PLPPR5: variants seen among roughly 807,000 people sequenced by gnomAD.
The protein encoded by PLPPR5 is phospholipid phosphatase-related protein type 5.
PLPPR5 carries 16 observed loss-of-function variants against 33.9 expected under a neutral mutation model. The observed-to-expected ratio is 0.47, with a 90% CI of 0.32 to 0.72. The LOEUF (loss-of-function observed/expected upper bound fraction) is 0.72. PLPPR5 is among the 30% of genes least tolerant of loss of function. The pLI is 0.03. For missense variants in PLPPR5, 301 were observed against 406.7 expected, an observed-to-expected ratio of 0.74 and a Z score of 2.23; for synonymous variants, 163 against 150.3, an observed-to-expected ratio of 1.08 and a Z score of -0.62.
intron 5 of PLPPR5, among the ~76,000 whole-genome samples, chr1:98,907,878 C>T (rs1226129479): frequency 2.0e-5 from 3 of 152,158 alleles, no homozygotes; most frequent in African/African-American, 7.2e-5. Flanking sequence ...AACTTCTATT[C>T]CAGGAGTATG....
chr1:98,929,940 A>AAAAT (rs916369857), intron 3 of PLPPR5, among the ~76,000 whole-genome samples: 2 of 152,228 alleles, frequency 1.3e-5, no homozygotes, highest in African/African-American at 4.8e-5. Context: ...GATACGAGCA[A>AAAAT]AAATAAATAA....
chr1:98,977,454 C>T (rs1384470244), intron 1 of PLPPR5, among the ~76,000 whole-genome samples: 3 of 150,890 alleles, frequency 2.0e-5, no homozygotes, highest in Admixed American at 6.7e-5. Context: ...GCAATGTTCT[C>T]ATTGGTTCTA....
At chr1:98,967,720 C>A (rs549488840) in intron 1 of PLPPR5, among the ~76,000 whole-genome samples, 1 of 152,116 alleles carries the variant, frequency 6.6e-6, no homozygotes, top group East Asian at 1.9e-4. Flanking sequence ...ATTGTTATAA[C>A]ATTCATAGAA....
intron 5 of PLPPR5, among the ~76,000 whole-genome samples, chr1:98,907,659 A>G (rs1472497612): frequency 2.0e-5 from 3 of 152,242 alleles, no homozygotes; most frequent in Non-Finnish European, 4.4e-5. Context: ...GAAAAGATTC[A>G]TCAGTTATCT....
chr1:98,905,910 A>G (rs950284002), intron 5 of PLPPR5, among the ~76,000 whole-genome samples: 1 of 152,104 alleles, frequency 6.6e-6, no homozygotes, highest in Admixed American at 6.6e-5. Flanking sequence ...TTATGTCACA[A>G]ACTAATTCCT....
At chr1:98,951,121 G>C (rs1306914881) in intron 3 of PLPPR5, among the ~76,000 whole-genome samples, 1 of 152,166 alleles carries the variant, frequency 6.6e-6, no homozygotes, top group African/African-American at 2.4e-5. Context: ...AGATATATTT[G>C]CAATTCATAC....
At chr1:98,964,880 T>C (rs1402884674) in intron 1 of PLPPR5, among the ~76,000 whole-genome samples, 1 of 152,050 alleles carries the variant, frequency 6.6e-6, no homozygotes, top group East Asian at 1.9e-4. Flanking sequence ...CACAGCTCAC[T>C]GCAGCCTCGA....
rs780629233 is a variant in PLPPR5 at position 98,952,262 on chromosome 1, CAGAAA to C, written c.621+803_621+807del. On this transcript the variant is annotated intron_variant, in intron 3 of 5. Coordinates refer to ENST00000263177, the MANE Select transcript of PLPPR5 (RefSeq NM_001037317.2). Reference sequence around the variant, plus strand: ...TGGGTGACAGAGCGAGACTCCGTCTCAGAAAAAAAAAAAAAAAAAAAAATCTCTGA... The same window carrying C: ...TGGGTGACAGAGCGAGACTCCGTCTCAAAAAAAAAAAAAAAAAATCTCTGA... Among the ~76,000 whole-genome samples, 531 of 113,038 alleles carry C rather than the reference CAGAAA, an allele frequency of 4.7e-3. 5 individuals are homozygous for C. Among genetic ancestry groups the C allele is most frequent in the African/African-American group, 7.8e-3 (250 of 31,888 alleles). The allele number at this position is 113,038 out of a possible 152,430, so 74.2% of individuals were successfully genotyped here. A position where few individuals can be genotyped will look rare whatever the true frequency, so the allele number is the denominator to read the frequency against.
At chr1:98,920,509 G>A (rs551477859) in intron 4 of PLPPR5, among the ~76,000 whole-genome samples, 10 of 132,838 alleles carry the variant, frequency 7.5e-5, no homozygotes, top group African/African-American at 1.7e-4. Flanking sequence ...CAGTTCTCAC[G>A]AGGCTACAGG....
At chr1:98,912,959 A>G (rs1357565818) in intron 5 of PLPPR5, among the ~76,000 whole-genome samples, 2 of 152,072 alleles carry the variant, frequency 1.3e-5, no homozygotes, top group African/African-American at 4.8e-5. Context: ...TGGACAAGTA[A>G]TTATTTAGCT....
chr1:98,923,557 G>C lies in PLPPR5; in HGVS notation c.622-1499C>G, dbSNP rs1473058494. On this transcript the variant is annotated intron_variant, in intron 3 of 5. Coordinates refer to ENST00000263177, the MANE Select transcript of PLPPR5 (RefSeq NM_001037317.2). ...TTCTGGGCAGTTTGCAGCCCTTGTA[G>C]CTGCCAAAAGGGGCTGTATAAATAT... is the stretch of plus-strand genomic sequence containing the variant. Among the ~76,000 whole-genome samples the C allele has an allele frequency of 2.6e-5, 4 of 151,658 alleles. No homozygotes were observed. In the South Asian group the frequency reaches 8.3e-4, roughly 32 times the overall value.
At chr1:98,958,963 C>T (rs1233032054) in intron 1 of PLPPR5, among the ~76,000 whole-genome samples, 2 of 152,158 alleles carry the variant, frequency 1.3e-5, no homozygotes, top group Admixed American at 1.3e-4. Flanking sequence ...ACACTGCACC[C>T]CAACTCAGGC....
rs76591278 is a variant in PLPPR5 at position 98,948,469 on chromosome 1, G to A, written c.621+4601C>T. 5.3e-5 allele frequency among the ~76,000 whole-genome samples: 8 copies of A among 152,250 alleles called. 1 individual carries two copies. The highest frequency in any genetic ancestry group is 5.2e-4 in the Admixed American group (8 of 15,286). On this transcript the variant is annotated intron_variant, in intron 3 of 5. Transcript: ENST00000263177. ...AATGCCACAAATTCTTCCCATCCCA[G>A]TAAATTCTCCTCATTACAGTGTGAC...
At chr1:98,989,376 T>A (rs186530389) in intron 1 of PLPPR5, among the ~76,000 whole-genome samples, 1 of 152,246 alleles carries the variant, frequency 6.6e-6, no homozygotes, top group Non-Finnish European at 1.5e-5. Context: ...TCATGGAATG[T>A]CAAATGGTCT....
At chr1:98,952,668 G>A (rs1020440010) in intron 3 of PLPPR5, among the ~76,000 whole-genome samples, 5 of 152,338 alleles carry the variant, frequency 3.3e-5, no homozygotes, top group African/African-American at 1.2e-4. Context: ...GAAAAAAAGA[G>A]TGTCCCTTTC....
intron 1 of PLPPR5, 111 bp from the exon 2 acceptor site, chr1:98,956,852 A>G: frequency 1.3e-6 from 1 of 787,950 alleles, no homozygotes. Flanking sequence ...AATAATCTCA[A>G]TGTAAAACAG....
intron 3 of PLPPR5, among the ~76,000 whole-genome samples, chr1:98,946,473 C>T (rs1282333346): frequency 6.6e-6 from 1 of 152,120 alleles, no homozygotes; most frequent in African/African-American, 2.4e-5. Flanking sequence ...AAATGTACAC[C>T]CTCGTGCTGA....
intron 5 of PLPPR5, among the ~76,000 whole-genome samples, chr1:98,914,027 CT>C (rs1242770754): frequency 5.9e-5 from 9 of 152,128 alleles, no homozygotes; most frequent in African/African-American, 2.2e-4. Flanking sequence ...GATATCAGAC[CT>C]TTGTGCACTG....
intron 1 of PLPPR5, among the ~76,000 whole-genome samples, chr1:98,958,756 A>T (rs146308942): frequency 1.2e-4 from 18 of 152,286 alleles, no homozygotes; most frequent in African/African-American, 4.3e-4. Context: ...GATTACCATG[A>T]TGATGCTTTC....
Sources: gnomAD v4.1 joint callset for allele counts (sites outside exome capture counted in the v4.1 genomes callset) on GRCh38, gnomAD v4.1.1 for gene constraint, MANE v1.5 for transcripts, NCBI Gene and HGNC (gene_info 2026-07-23, HGNC 2026-07-21) for gene names.